PCDHA3: variants seen among roughly 807,000 people sequenced by gnomAD.
The protein encoded by PCDHA3 is protocadherin alpha-3.
A neutral mutation model predicts 62.2 loss-of-function variants in PCDHA3; 41 were observed. That is an observed-to-expected ratio of 0.66 (90% CI 0.51 to 0.86). The LOEUF (loss-of-function observed/expected upper bound fraction) is 0.86, where lower values mean the gene tolerates loss of function less well. Ranked by LOEUF, PCDHA3 falls within the 40% of genes least tolerant of loss-of-function variation. The pLI, the probability that PCDHA3 is intolerant of heterozygous loss-of-function variation, is 0.00. For missense variants in PCDHA3, 1,304 were observed against 1,241.2 expected, an observed-to-expected ratio of 1.05 and a Z score of -0.76; for synonymous variants, 640 against 555.4, an observed-to-expected ratio of 1.15 and a Z score of -2.14.
In PCDHA3 at chr5:140,801,705, TAC is replaced by T. The variant is rs782584193; in HGVS notation, c.510_511del (p.Tyr170Ter). On this transcript the variant is annotated frameshift_variant, in exon 1 of 4. Coordinates refer to ENST00000522353, the MANE Select transcript of PCDHA3 (RefSeq NM_018906.3). LOFTEE classifies it high-confidence loss of function. ...ADIGTNSLLTYSLDSTEYFTL... is the reference protein window; with the variant it reads ...ADIGTNSLLTXSLDSTEYFTL... ...TATCGGAACAAATTCGTTGTTGACT[TAC>T]AGTCTTGATTCCACTGAATATTTTA... 1.3e-5 allele frequency: 21 copies of T among 1,614,104 alleles called. No homozygotes were observed. The highest frequency in any genetic ancestry group is 1.8e-5 in the Non-Finnish European group (21 of 1,180,052).
chr5:140,828,831 A>G (rs2150159433), intron 1 of PCDHA3: 1 of 1,614,230 alleles, frequency 6.2e-7, no homozygotes, highest in East Asian at 2.2e-5. Flanking sequence ...CAGTCTGAAT[A>G]CGAAGTAAGA....
chr5:140,897,613 A>C (rs1252972033), intron 1 of PCDHA3, among the ~76,000 whole-genome samples: 2 of 152,052 alleles, frequency 1.3e-5, no homozygotes, highest in Non-Finnish European at 2.9e-5. Flanking sequence ...GTTGGTTCCA[A>C]GTCTTTACTA....
At chr5:140,941,253 T>TTCTTTCTTTCTC (rs1563187863) in intron 1 of PCDHA3, among the ~76,000 whole-genome samples, 4 of 64,962 alleles carry the variant, frequency 6.2e-5, no homozygotes, top group Non-Finnish European at 1.0e-4. Flanking sequence ...CTTTCTTTCT[T>TTCTTTCTTTCTC]TCTCTTTCTT....
chr5:140,968,996 G>A, intron 1 of PCDHA3: 1 of 1,614,202 alleles, frequency 6.2e-7, no homozygotes, highest in Non-Finnish European at 8.5e-7. Flanking sequence ...ATGCTGTGGA[G>A]GCTTCTGTGG....
chr5:140,961,805 G>A (rs1554225601), intron 1 of PCDHA3, among the ~76,000 whole-genome samples: 1 of 151,810 alleles, frequency 6.6e-6, no homozygotes, highest in African/African-American at 2.4e-5. Context: ...AGGAAATTGG[G>A]TTCTCTAGTC....
chr5:140,813,995 C>G (rs1554126359), intron 1 of PCDHA3: 1 of 152,658 alleles, frequency 6.6e-6, no homozygotes, highest in African/African-American at 2.4e-5. Context: ...GAGACTCTGT[C>G]TCAATTTTTT....
In PCDHA3 at chr5:140,843,697, T is replaced by C. The variant is rs2150365268; in HGVS notation, c.2394+40106T>C. 3.9e-5 allele frequency: 61 copies of C among 1,583,460 alleles called. 6 individuals carry two copies. Among genetic ancestry groups the C allele is most frequent in the Middle Eastern group, 1.7e-4 (1 of 5,990 alleles). ...ATGTAGGCGAAGAGCAAGATTTAAA[T>C]GTTGATCATGGCCTCAAAGTAAGTC... On this transcript the variant is annotated intron_variant, in intron 1 of 3. Coordinates refer to ENST00000522353, the MANE Select transcript of PCDHA3 (RefSeq NM_018906.3).
At chr5:140,966,414 G>A (rs1310333281) in intron 1 of PCDHA3, 5 of 420,334 alleles carry the variant, frequency 1.2e-5, no homozygotes, top group African/African-American at 2.1e-5. Context: ...AATCAGAGCA[G>A]GACTTGCTGA....
At chr5:140,882,545 G>C (rs1174281421) in intron 1 of PCDHA3, 1 of 1,614,120 alleles carries the variant, frequency 6.2e-7, no homozygotes, top group African/African-American at 1.3e-5. Flanking sequence ...GATCGACCGC[G>C]AGGAGCTGTG....
At chr5:140,836,687 C>A (rs2150267868) in intron 1 of PCDHA3, 2 of 1,613,458 alleles carry the variant, frequency 1.2e-6, no homozygotes, top group Non-Finnish European at 1.7e-6. Context: ...CCAAGACAGA[C>A]CTCATGGCCT....
chr5:140,883,826 C>G, intron 1 of PCDHA3: 1 of 1,612,622 alleles, frequency 6.2e-7, no homozygotes, highest in South Asian at 1.1e-5. Context: ...GGTGTACGCG[C>G]TGCAGCCGTT....
At chr5:140,861,535 G>A (rs1014652583) in intron 1 of PCDHA3, 3 of 446,466 alleles carry the variant, frequency 6.7e-6, no homozygotes, top group East Asian at 1.3e-4. Context: ...TCGGAGTGCA[G>A]CATCCACCTG....
chr5:140,834,252 ACG>A, intron 1 of PCDHA3: 2 of 916,406 alleles, frequency 2.2e-6, no homozygotes, highest in Non-Finnish European at 3.3e-6. Context: ...CACTGGAAAG[ACG>A]CTCCACTCTC....
chr5:140,809,598 A>C, intron 1 of PCDHA3: 1 of 1,531,486 alleles, frequency 6.5e-7, no homozygotes, highest in Non-Finnish European at 8.8e-7. Context: ...CCTTTTGTTT[A>C]ATTTTCGTAT....
At chr5:140,854,731 T>A (rs536045745) in intron 1 of PCDHA3, 2 of 150,048 alleles carry the variant, frequency 1.3e-5, no homozygotes, top group Admixed American at 1.3e-4. Flanking sequence ...TCAAGTTTTT[T>A]TCAGCAGCAC....
intron 1 of PCDHA3, among the ~76,000 whole-genome samples, chr5:140,834,064 G>T (rs1347200172): frequency 4.6e-5 from 7 of 152,160 alleles, no homozygotes; most frequent in African/African-American, 1.4e-4. Flanking sequence ...ACAATCATGA[G>T]AAATGCTATT....
Position 140,803,131 on chromosome 5 carries a change from A to G in PCDHA3, c.1934A>G (p.His645Arg), listed in dbSNP as rs781861660. Residue 645 changes from histidine to arginine, a missense_variant, in exon 1 of 4, where the codon CAT becomes CGT. Transcript: ENST00000522353. ...CTGGACGAGGTGGACGCCCCGCGCC[A>G]TCGCCTACTGGTGCTGGTGAAGGAC... ...RALDEVDAPR[H>R]RLLVLVKDHG... is the part of the protein sequence containing the mutation. The G allele has an allele frequency of 6.2e-7, 1 of 1,613,846 alleles. No individual in the cohort carries two copies. Among genetic ancestry groups the G allele is most frequent in the South Asian group, 1.1e-5 (1 of 91,076 alleles).
chr5:140,926,755 T>G, intron 1 of PCDHA3: 4 of 1,282,566 alleles, frequency 3.1e-6, no homozygotes, highest in Non-Finnish European at 4.0e-6. Context: ...CGGCGGTCGC[T>G]GAGTATCCAG....
chr5:140,863,301 C>T lies in PCDHA3; in HGVS notation c.2394+59710C>T, dbSNP rs782465834. ...ATGTCAACGTGTACCTGATCATCGC[C>T]ATCTGCGTGGTGTCCAGCCTGTTAG... On this transcript the variant is annotated intron_variant, in intron 1 of 3. Coordinates refer to ENST00000522353, the MANE Select transcript of PCDHA3 (RefSeq NM_018906.3). The T allele has an allele frequency of 2.7e-6, 4 of 1,463,618 alleles. No homozygotes were observed. In the South Asian group the frequency reaches 4.5e-5, roughly 16 times the overall value. 90.7% of individuals were successfully genotyped at this position (1,463,618 alleles called of 1,614,324 possible).
Sources: gnomAD v4.1 joint callset for allele counts (sites outside exome capture counted in the v4.1 genomes callset) on GRCh38, gnomAD v4.1.1 for gene constraint, MANE v1.5 for transcripts, NCBI Gene and HGNC (gene_info 2026-07-23, HGNC 2026-07-21) for gene names.